Variants in FBXL20 observed in about 807,000 individuals in gnomAD.
FBXL20 encodes F-box/LRR-repeat protein 20.
FBXL20 carries 11 observed loss-of-function variants against 64.0 expected under a neutral mutation model. That is an observed-to-expected ratio of 0.17 (90% CI 0.11 to 0.28). FBXL20 has a LOEUF of 0.28. Ranked by LOEUF, FBXL20 falls within the 10% of genes least tolerant of loss-of-function variation. The pLI is 1.00. For missense variants in FBXL20, 303 were observed against 526.2 expected (o/e 0.58, Z 4.15); for synonymous variants, 184 against 189.0 (o/e 0.97, Z 0.22).
chr17:39,268,475 C>T (rs1413453055), intron 12 of FBXL20, among the ~76,000 whole-genome samples: 1 of 152,144 alleles, frequency 6.6e-6, no homozygotes, highest in East Asian at 1.9e-4. Context: ...ATCTAGGATA[C>T]AGCAAAGCTA....
At chr17:39,297,849 C>T (rs1234410174) in intron 5 of FBXL20, among the ~76,000 whole-genome samples, 1 of 152,054 alleles carries the variant, frequency 6.6e-6, no homozygotes, top group African/African-American at 2.4e-5. Context: ...GATTCTCCTG[C>T]CTCAGCCTCC....
Position 39,258,647 on chromosome 17 carries a change from T to C in FBXL20, c.*2813A>G, listed in dbSNP as rs2046715723. The C allele has an allele frequency of 6.6e-6, 1 of 152,218 alleles. No individual in the cohort carries two copies. The highest frequency in any genetic ancestry group is 2.1e-4 in the South Asian group (1 of 4,834). The allele number at this position is 152,218 out of a possible 1,614,324, so 9.4% of individuals were successfully genotyped here. A position where few individuals can be genotyped will look rare whatever the true frequency, so the allele number is the denominator to read the frequency against. ...TGATGAATAGAGTCTTTTAAACTTA[T>C]CTTTTAAGTAAAGAAGTACCTTAAT... On this transcript the variant is annotated 3_prime_UTR_variant, in exon 15 of 15. Transcript: ENST00000264658.
At chr17:39,300,863 G>A in intron 4 of FBXL20, 138 bp downstream of exon 4, 1 of 717,272 alleles carries the variant, frequency 1.4e-6, no homozygotes, top group Non-Finnish European at 2.2e-6. Context: ...TAACTTTGGG[G>A]GTTCCTGTAA....
chr17:39,261,590 A>C (rs1234277696), intron 14 of FBXL20, 23 bp from the exon 15 acceptor site: 1 of 1,554,208 alleles, frequency 6.4e-7, no homozygotes, highest in Non-Finnish European at 8.8e-7. Flanking sequence ...AGAAACATTA[A>C]ACGTTTAAGA....
intron 6 of FBXL20, among the ~76,000 whole-genome samples, chr17:39,290,503 T>C (rs2047028116): frequency 6.6e-6 from 1 of 152,156 alleles, no homozygotes; most frequent in Non-Finnish European, 1.5e-5. Flanking sequence ...TCAAATATGA[T>C]GTTGTAAGAG....
chr17:39,341,942 T>C (rs973720704), intron 2 of FBXL20, among the ~76,000 whole-genome samples: 3 of 152,198 alleles, frequency 2.0e-5, no homozygotes, highest in African/African-American at 7.2e-5. Flanking sequence ...AGAGCACAAG[T>C]AGGCAATGCT....
intron 6 of FBXL20, among the ~76,000 whole-genome samples, chr17:39,288,174 T>C (rs550963659): frequency 1.1e-4 from 17 of 151,720 alleles, no homozygotes; most frequent in Non-Finnish European, 1.9e-4. Flanking sequence ...ACCAAGTTAG[T>C]CAGGCTGGTC....
chr17:39,340,347 G>A (rs182726906), intron 2 of FBXL20, among the ~76,000 whole-genome samples: 6 of 150,904 alleles, frequency 4.0e-5, no homozygotes, highest in Admixed American at 2.6e-4. Context: ...CGCCCACCTC[G>A]GCCTCCCAAA....
chr17:39,378,473 G>A (rs1045170917), intron 1 of FBXL20, among the ~76,000 whole-genome samples: 4 of 151,976 alleles, frequency 2.6e-5, no homozygotes, highest in African/African-American at 9.7e-5. Flanking sequence ...ACGGGCAAAG[G>A]ACTAAACAGA....
chr17:39,386,042 A>C (rs1201750707), intron 1 of FBXL20, among the ~76,000 whole-genome samples: 1 of 147,864 alleles, frequency 6.8e-6, no homozygotes, highest in Admixed American at 6.8e-5. Context: ...AAAAAAAAAA[A>C]AAACACCAAC....
chr17:39,273,188 G>T (rs1194328327), intron 10 of FBXL20, among the ~76,000 whole-genome samples: 1 of 151,960 alleles, frequency 6.6e-6, no homozygotes, highest in Non-Finnish European at 1.5e-5. Context: ...TGTAATTTTT[G>T]TATTTTTAGC....
At chr17:39,319,627 G>A (rs1477932293) in intron 2 of FBXL20, among the ~76,000 whole-genome samples, 1 of 124,704 alleles carries the variant, frequency 8.0e-6, no homozygotes, top group African/African-American at 3.0e-5. Flanking sequence ...AGAGGTTGCA[G>A]TAAGCCGAAA....
chr17:39,326,363 TA>T (rs1239233052), intron 2 of FBXL20, among the ~76,000 whole-genome samples: 2 of 151,294 alleles, frequency 1.3e-5, no homozygotes, highest in Non-Finnish European at 2.9e-5. Context: ...AAAGTTAACT[TA>T]AAAAAAAATT....
chr17:39,355,748 G>A (rs372620835), intron 1 of FBXL20, among the ~76,000 whole-genome samples: 1 of 151,322 alleles, frequency 6.6e-6, no homozygotes, highest in South Asian at 2.1e-4. Context: ...CCAGCTACTT[G>A]GGAGGCTGAG....
intron 6 of FBXL20, among the ~76,000 whole-genome samples, chr17:39,293,591 C>T (rs1291625673): frequency 1.3e-5 from 2 of 152,114 alleles, no homozygotes; most frequent in Non-Finnish European, 2.9e-5. Flanking sequence ...AGCCCTACCA[C>T]CAAGGTGTAA....
At chr17:39,387,539 A>T (rs7208714) in intron 1 of FBXL20, among the ~76,000 whole-genome samples, 116 of 150,930 alleles carry the variant, frequency 7.7e-4, no homozygotes, top group African/African-American at 2.6e-3. Context: ...TCGGCCTCCC[A>T]AAGTGCTGGG....
At chr17:39,363,827 C>CAAAAAAAAAAAAAAAAAAAAAAAA (rs1555612706) in intron 1 of FBXL20, among the ~76,000 whole-genome samples, 2 of 78,024 alleles carry the variant, frequency 2.6e-5, no homozygotes, top group African/African-American at 5.5e-5. Flanking sequence ...AAAAAAAAAA[C>CAAAAAAAAAAAAAAAAAAAAAAAA]AAAAAACAAA....
chr17:39,396,660 T>C (rs1045899454), intron 1 of FBXL20, among the ~76,000 whole-genome samples: 15 of 148,426 alleles, frequency 1.0e-4, no homozygotes, highest in Non-Finnish European at 1.8e-4. Flanking sequence ...AAATTAAGAT[T>C]AATATGCAGG....
In FBXL20 at chr17:39,261,146, G is replaced by A. The variant is rs2046741660; in HGVS notation, c.*314C>T. 3.5e-6 allele frequency: 1 copy of A among 284,636 alleles called. No individual in the cohort carries two copies. Among genetic ancestry groups the A allele is most frequent in the African/African-American group, 2.3e-5 (1 of 43,794 alleles). 17.6% of individuals were successfully genotyped at this position (284,636 alleles called of 1,614,324 possible). A position where few individuals can be genotyped will look rare whatever the true frequency, so the allele number is the denominator to read the frequency against. On this transcript the variant is annotated 3_prime_UTR_variant, in exon 15 of 15. Transcript: ENST00000264658. ...AAAAACCACAGTAGCATTAACACGG[G>A]GTTTGCTGGAATGCCCCTCCCTATC...
Sources: gnomAD v4.1 joint callset for allele counts (sites outside exome capture counted in the v4.1 genomes callset) on GRCh38, gnomAD v4.1.1 for gene constraint, MANE v1.5 for transcripts, NCBI Gene and HGNC (gene_info 2026-07-23, HGNC 2026-07-21) for gene names.